MDGA2: variants seen among roughly 807,000 people sequenced by gnomAD.
MDGA2 encodes the protein MAM domain-containing glycosylphosphatidylinositol anchor protein 2.
MDGA2 carries 40 observed loss-of-function variants against 117.8 expected under a neutral mutation model. That is an observed-to-expected ratio of 0.34 (90% CI 0.26 to 0.44). The LOEUF is 0.44. Among genes scored for constraint, MDGA2 ranks in the 20% least tolerant of loss-of-function variants. The probability of loss-of-function intolerance (pLI) is 1.00; values close to 1 mark genes in which losing one functional copy is unlikely to be tolerated. For synonymous variants in MDGA2, 452 were observed against 439.0 expected, an observed-to-expected ratio of 1.03 and a Z score of -0.37; for missense variants, 1,123 against 1,250.6, an observed-to-expected ratio of 0.90 and a Z score of 1.54.
chr14:47,459,050 C>T (rs891750601), intron 1 of MDGA2, among the ~76,000 whole-genome samples: 4 of 151,580 alleles, frequency 2.6e-5, no homozygotes, highest in Admixed American at 6.6e-5. Flanking sequence ...ATTCTTTGAC[C>T]AGAAAAATCT....
intron 2 of MDGA2, among the ~76,000 whole-genome samples, chr14:47,234,175 T>C (rs141670966): frequency 2.0e-5 from 3 of 151,564 alleles, no homozygotes; most frequent in Admixed American, 6.6e-5. Flanking sequence ...CTTAATAATA[T>C]ATGTGTGTGC....
chr14:47,247,814 G>C (rs948925858), intron 2 of MDGA2, among the ~76,000 whole-genome samples: 14 of 150,918 alleles, frequency 9.3e-5, no homozygotes, highest in African/African-American at 2.9e-4. Flanking sequence ...TCCCTGATAG[G>C]CCCCGACGTG....
At chr14:46,937,420 T>C (rs1884824361) in intron 9 of MDGA2, among the ~76,000 whole-genome samples, 1 of 152,002 alleles carries the variant, frequency 6.6e-6, no homozygotes, top group African/African-American at 2.4e-5. Flanking sequence ...TGTCAATTAC[T>C]AATCAAAGTA....
chr14:47,476,749 T>A (rs887726869), intron 1 of MDGA2, among the ~76,000 whole-genome samples: 5 of 152,166 alleles, frequency 3.3e-5, no homozygotes, highest in African/African-American at 7.2e-5. Context: ...ATAGAGAAAA[T>A]ATAATTGAAA....
intron 5 of MDGA2, among the ~76,000 whole-genome samples, chr14:47,099,560 C>T (rs1337865545): frequency 6.6e-6 from 1 of 151,782 alleles, no homozygotes; most frequent in Non-Finnish European, 1.5e-5. Flanking sequence ...TTCATATTAC[C>T]TTGTATATTA....
At chr14:46,902,417 T>C (rs1883321915) in intron 10 of MDGA2, among the ~76,000 whole-genome samples, 1 of 152,134 alleles carries the variant, frequency 6.6e-6, no homozygotes, top group East Asian at 1.9e-4. Flanking sequence ...TTATATACAG[T>C]AGGTACTTTT....
intron 1 of MDGA2, among the ~76,000 whole-genome samples, chr14:47,496,481 C>A (rs961800773): frequency 2.0e-5 from 3 of 152,058 alleles, no homozygotes; most frequent in Non-Finnish European, 4.4e-5. Flanking sequence ...TGGTCTTAAG[C>A]AATTCCCTTG....
At chr14:47,496,602 G>C (rs570618457) in intron 1 of MDGA2, among the ~76,000 whole-genome samples, 1 of 151,926 alleles carries the variant, frequency 6.6e-6, no homozygotes, top group Non-Finnish European at 1.5e-5. Flanking sequence ...AAAAATGAAT[G>C]TGGAGAATTT....
chr14:47,214,167 G>C (rs895542152), intron 3 of MDGA2, among the ~76,000 whole-genome samples: 6 of 152,016 alleles, frequency 3.9e-5, no homozygotes, highest in African/African-American at 1.4e-4. Flanking sequence ...TTCGAGATGA[G>C]ATTTGTGTGG....
chr14:46,971,571 G>C (rs1372999081), intron 8 of MDGA2, among the ~76,000 whole-genome samples: 1 of 152,024 alleles, frequency 6.6e-6, no homozygotes. Context: ...GGTGGGAGGA[G>C]GGGATAAAGA....
rs1349052483 is a variant in MDGA2, at chr14:46,845,093, C to T, written c.2989+673G>A. 2.6e-5 allele frequency among the ~76,000 whole-genome samples: 4 copies of T among 152,170 alleles called. No individual in the cohort carries two copies. The East Asian group carries it at 7.7e-4, about 29-fold the overall frequency. On this transcript the variant is annotated intron_variant, in intron 16 of 16. Coordinates refer to ENST00000399232, the MANE Select transcript of MDGA2 (RefSeq NM_001113498.3). The stretch of plus-strand genomic sequence containing the variant: ...AGAGACGGGGTTTCACCGTCTTAGC[C>T]AGGATGGTCTTGATCTCCTGACCTT...
rs114463210 is a variant in MDGA2, at chr14:47,060,382, C to T, written c.1525+867G>A. Among the ~76,000 whole-genome samples, 348 of 152,178 alleles carry T rather than the reference C, an allele frequency of 2.3e-3. 5 individuals are homozygous for T. The highest frequency in any genetic ancestry group is 8.0e-3 in the African/African-American group (334 of 41,548). On this transcript the variant is annotated intron_variant, in intron 7 of 16. Coordinates refer to ENST00000399232, the MANE Select transcript of MDGA2 (RefSeq NM_001113498.3). ...ATACTTCAAAGTACAAGATACAAAA[C>T]GCTGCCTGATCATGTGTCTACTACA... is the stretch of plus-strand genomic sequence containing the variant.
At chr14:47,559,443 C>T (rs902583052) in intron 1 of MDGA2, among the ~76,000 whole-genome samples, 1 of 152,080 alleles carries the variant, frequency 6.6e-6, no homozygotes, top group Admixed American at 6.6e-5. Flanking sequence ...TTTTTTATGG[C>T]TATTCTATGG....
At chr14:47,172,365 T>C (rs1884191535) in intron 3 of MDGA2, among the ~76,000 whole-genome samples, 1 of 151,710 alleles carries the variant, frequency 6.6e-6, no homozygotes, top group South Asian at 2.1e-4. Flanking sequence ...CCCTGACCCC[T>C]GACCCCCGAG....
intron 8 of MDGA2, among the ~76,000 whole-genome samples, chr14:47,008,689 G>C (rs1467772652): frequency 1.3e-5 from 2 of 151,890 alleles, no homozygotes; most frequent in Non-Finnish European, 2.9e-5. Flanking sequence ...TAACGTCATT[G>C]TCTATAAAAT....
chr14:47,461,003 A>G (rs1173307747), intron 1 of MDGA2, among the ~76,000 whole-genome samples: 2 of 152,110 alleles, frequency 1.3e-5, no homozygotes, highest in African/African-American at 4.8e-5. Context: ...TTTCAGTTTG[A>G]TTTTTTTAAA....
chr14:47,463,418 AAAT>A (rs1264324465), intron 1 of MDGA2, among the ~76,000 whole-genome samples: 1 of 152,186 alleles, frequency 6.6e-6, no homozygotes. Context: ...ATAAAATAGC[AAAT>A]AATAAAATAA....
Position 47,018,632 on chromosome 14 carries a change from CAAG to C in MDGA2, c.1819+16376_1819+16378del, listed in dbSNP as rs555234618. Among the ~76,000 whole-genome samples the C allele has an allele frequency of 9.2e-5, 13 of 141,422 alleles. No homozygotes were observed. In the South Asian group the frequency reaches 2.5e-3, roughly 28 times the overall value. 92.8% of individuals were successfully genotyped at this position (141,422 alleles called of 152,430 possible). ...CTGAGAACACAGGAAGAATTCAAAGCAAGAGATTCACAGGAGACTTGGAGTTTC... is the reference window on the plus strand; with the variant it reads ...CTGAGAACACAGGAAGAATTCAAAGCAGATTCACAGGAGACTTGGAGTTTC... On this transcript the variant is annotated intron_variant, in intron 8 of 16. Coordinates refer to ENST00000399232, the MANE Select transcript of MDGA2 (RefSeq NM_001113498.3).
chr14:47,160,186 C>A (rs10134087), intron 3 of MDGA2, among the ~76,000 whole-genome samples: 28,157 of 152,142 alleles, frequency 0.19, 2,836 homozygotes, highest in East Asian at 0.31. Flanking sequence ...CTACTTCTGG[C>A]TTACCTACTC....
Sources: gnomAD v4.1 joint callset for allele counts (sites outside exome capture counted in the v4.1 genomes callset) on GRCh38, gnomAD v4.1.1 for gene constraint, MANE v1.5 for transcripts, NCBI Gene and HGNC (gene_info 2026-07-23, HGNC 2026-07-21) for gene names.